The following NOS1 variants were observed in gnomAD, a reference collection of about 807,000 sequenced individuals.
The protein encoded by NOS1 is nitric oxide synthase 1, also known as NOS type I.
A neutral mutation model predicts 164.5 loss-of-function variants in NOS1; 51 were observed. The observed-to-expected ratio is 0.31, with a 90% CI of 0.25 to 0.39. The LOEUF (loss-of-function observed/expected upper bound fraction) is 0.39. Ranked by LOEUF, NOS1 falls within the 10% of genes least tolerant of loss-of-function variation. NOS1 has a pLI of 1.00. For synonymous variants in NOS1, 719 were observed against 745.8 expected (o/e 0.96, Z 0.59); for missense variants, 1,362 against 1,885.6 (o/e 0.72, Z 5.14).
chr12:117,286,560 TGACAGGAGTGGGGACCC>T (rs1206931598), intron 5 of NOS1, among the ~76,000 whole-genome samples: 2 of 152,144 alleles, frequency 1.3e-5, no homozygotes, highest in African/African-American at 4.8e-5. Flanking sequence ...AGTTGTCACC[TGACAGGAGTGGGGACCC>T]AGGACTGCTA....
rs1232530501 is a variant in NOS1 at position 117,212,390 on chromosome 12, C to G, written c.*2919G>C. 1.0e-6 allele frequency: 1 copy of G among 985,138 alleles called. No homozygotes were observed. The highest frequency in any genetic ancestry group is 1.2e-6 in the Non-Finnish European group (1 of 829,890). The allele number at this position is 985,138 out of a possible 1,614,324, so 61.0% of individuals were successfully genotyped here. ...TTCCATATTGATGGGTCTGAAGTGTCCCCCCGCAAAAGAAAGACACCTGGC... is the reference window on the plus strand; with the variant it reads ...TTCCATATTGATGGGTCTGAAGTGTGCCCCCGCAAAAGAAAGACACCTGGC... On this transcript the variant is annotated 3_prime_UTR_variant, in exon 29 of 29. Coordinates refer to ENST00000317775, the MANE Select transcript of NOS1 (RefSeq NM_000620.5).
intron 1 of NOS1, among the ~76,000 whole-genome samples, chr12:117,343,234 T>A (rs1593038390): frequency 7.2e-6 from 1 of 138,588 alleles, no homozygotes; most frequent in Non-Finnish European, 1.5e-5. Flanking sequence ...CAAGACTCTG[T>A]CAAAAAGAAG....
intron 2 of NOS1, among the ~76,000 whole-genome samples, chr12:117,317,805 G>T (rs1874734289): frequency 6.6e-6 from 1 of 152,096 alleles, no homozygotes; most frequent in Non-Finnish European, 1.5e-5. Flanking sequence ...GTGTGGCCAG[G>T]GCTATCAGGT....
At chr12:117,285,533 A>C (rs1250519309) in intron 6 of NOS1, among the ~76,000 whole-genome samples, 1 of 56,126 alleles carries the variant, frequency 1.8e-5, no homozygotes, top group African/African-American at 9.3e-5. Context: ...TTTGACCAGA[A>C]AAAAAAAAAA....
At chr12:117,288,912 C>T (rs1005794820) in intron 4 of NOS1, among the ~76,000 whole-genome samples, 25 of 152,280 alleles carry the variant, frequency 1.6e-4, no homozygotes, top group Non-Finnish European at 1.8e-4. Flanking sequence ...CCTTAGCTGA[C>T]CCCTCAGATG....
chr12:117,358,244 A>G (rs1372876801), intron 1 of NOS1, among the ~76,000 whole-genome samples: 1 of 152,194 alleles, frequency 6.6e-6, no homozygotes, highest in African/African-American at 2.4e-5. Flanking sequence ...AAGTTTCTGG[A>G]CAACTGACTG....
Position 117,265,418 on chromosome 12 carries a change from A to C in NOS1, c.2034T>G (p.Pro678=), listed in dbSNP as rs376857384. Residue 678 remains proline (P), a synonymous_variant, in exon 12 of 29, where the codon CCT becomes CCG. Transcript: ENST00000317775. ...ENEYRCRGGC[P]ADWVWIVPPM... ...GGGGCACGATCCACACCCAGTCGGC[A>C]GGGCAGCCCCCCCGGCAGCGGTACT... 3.1e-6 allele frequency: 5 copies of C among 1,595,406 alleles called. No homozygotes were observed. The African/African-American group carries it at 6.7e-5, about 21-fold the overall frequency.
At chr12:117,341,657 A>T (rs1469694309) in intron 1 of NOS1, among the ~76,000 whole-genome samples, 2 of 151,956 alleles carry the variant, frequency 1.3e-5, no homozygotes, top group African/African-American at 2.4e-5. Flanking sequence ...TCTGCCTCCC[A>T]CCCTTGCCCC....
At chr12:117,221,665 G>A (rs1431660521) in intron 26 of NOS1, among the ~76,000 whole-genome samples, 3 of 150,132 alleles carry the variant, frequency 2.0e-5, no homozygotes, top group African/African-American at 7.4e-5. Context: ...ACAGAGTCTT[G>A]GTCTGTTGCC....
intron 10 of NOS1, 55 bp from the exon 11 acceptor site, chr12:117,268,199 T>C (rs1002659941): frequency 1.4e-5 from 17 of 1,185,580 alleles, no homozygotes; most frequent in Admixed American, 5.1e-5. Context: ...GGATTTCAGA[T>C]TGAAGAGGGA....
intron 1 of NOS1, among the ~76,000 whole-genome samples, chr12:117,351,559 T>A (rs762427031): frequency 3.3e-5 from 5 of 152,144 alleles, no homozygotes; most frequent in Admixed American, 6.5e-5. Context: ...TTCACCTCCA[T>A]TGCCCCTTGG....
chr12:117,322,755 T>TCCC (rs1875043493), intron 2 of NOS1, among the ~76,000 whole-genome samples: 2 of 102,992 alleles, frequency 1.9e-5, no homozygotes, highest in Non-Finnish European at 3.8e-5. Flanking sequence ...CCCCACTTCC[T>TCCC]TCCCTCCTTC....
intron 3 of NOS1, among the ~76,000 whole-genome samples, chr12:117,304,691 C>G (rs1302501164): frequency 6.6e-6 from 1 of 152,216 alleles, no homozygotes; most frequent in Admixed American, 6.5e-5. Context: ...CACTCTGTGA[C>G]TGGGGACTCG....
At chr12:117,306,126 C>G (rs1202067997) in intron 3 of NOS1, among the ~76,000 whole-genome samples, 2 of 152,020 alleles carry the variant, frequency 1.3e-5, no homozygotes, top group African/African-American at 4.8e-5. Flanking sequence ...GGGTCAAATC[C>G]TACATTAAGG....
At chr12:117,256,282 C>CTTTTTTTTTT (rs1566042530) in intron 16 of NOS1, among the ~76,000 whole-genome samples, 1 of 76,810 alleles carries the variant, frequency 1.3e-5, no homozygotes, top group African/African-American at 1.1e-4. Context: ...AAGGGATTTT[C>CTTTTTTTTTT]TGTTTTTTTT....
chr12:117,237,481 G>A (rs994955498), intron 20 of NOS1, among the ~76,000 whole-genome samples: 1 of 152,002 alleles, frequency 6.6e-6, no homozygotes, highest in Non-Finnish European at 1.5e-5. Flanking sequence ...CATATGAGAA[G>A]TACAGGGAGA....
rs1291596306 is a variant in NOS1 at position 117,290,318 on chromosome 12, G to C, written c.961C>G (p.Leu321Val). 1 of 1,614,122 alleles carries C rather than the reference G, an allele frequency of 6.2e-7. No individual in the cohort carries two copies. The highest frequency in any genetic ancestry group is 8.5e-7 in the Non-Finnish European group (1 of 1,180,002). The change falls in exon 4 of 29, where the codon CTC becomes GTC. Residue 321 changes from leucine to valine, a missense_variant. Transcript: ENST00000317775. Reference sequence around the variant, plus strand: ...CTTACCAATGTGCTCTTAAGGTGGAGGGTGTCAGTGAGAACCACCTCAGTC... The same window carrying C: ...CTTACCAATGTGCTCTTAAGGTGGACGGTGTCAGTGAGAACCACCTCAGTC... ...WETEVVLTDT[L>V]HLKSTLETGC...
intron 3 of NOS1, among the ~76,000 whole-genome samples, chr12:117,296,107 C>A (rs1157210271): frequency 6.6e-6 from 1 of 152,102 alleles, no homozygotes; most frequent in African/African-American, 2.4e-5. Flanking sequence ...TTTACATTTA[C>A]CTATATAGGC....
At chr12:117,216,619 C>T (rs952005721) in intron 28 of NOS1, among the ~76,000 whole-genome samples, 3 of 152,052 alleles carry the variant, frequency 2.0e-5, no homozygotes, top group African/African-American at 7.2e-5. Flanking sequence ...GCTGGGACCA[C>T]AGGCGCGTGT....
Sources: gnomAD v4.1 joint callset for allele counts (sites outside exome capture counted in the v4.1 genomes callset) on GRCh38, gnomAD v4.1.1 for gene constraint, MANE v1.5 for transcripts, NCBI Gene and HGNC (gene_info 2026-07-23, HGNC 2026-07-21) for gene names.